Variants in ARPC1A observed in about 807,000 individuals in gnomAD.
The protein encoded by ARPC1A is actin related protein 2/3 complex subunit 1A, also known as actin-related protein 2/3 complex subunit 1A.
Under a neutral mutation model 46.9 loss-of-function variants are expected in ARPC1A, and 8 were observed. The observed-to-expected ratio is 0.17, with a 90% CI of 0.10 to 0.31. ARPC1A has a LOEUF of 0.31. ARPC1A is among the 10% of genes least tolerant of loss of function. The pLI, the probability that ARPC1A is intolerant of heterozygous loss-of-function variation, is 1.00. For synonymous variants in ARPC1A, 152 were observed against 169.0 expected (o/e 0.90, Z 0.78); for missense variants, 286 against 483.6 (o/e 0.59, Z 3.83).
At chr7:99,362,617 C>T (rs996673771) in intron 8 of ARPC1A, among the ~76,000 whole-genome samples, 7 of 150,986 alleles carry the variant, frequency 4.6e-5, no homozygotes, top group African/African-American at 1.7e-4. Context: ...GCTGGGATTA[C>T]AGGCGTGAGC....
chr7:99,333,011 C>T (rs1261623463), intron 1 of ARPC1A, among the ~76,000 whole-genome samples: 1 of 152,128 alleles, frequency 6.6e-6, no homozygotes, highest in African/African-American at 2.4e-5. Flanking sequence ...ATTCTCCTGC[C>T]TCAGCCTCCC....
intron 4 of ARPC1A, among the ~76,000 whole-genome samples, chr7:99,347,841 AAAAAG>A (rs1251596749): frequency 6.6e-6 from 1 of 152,036 alleles, no homozygotes; most frequent in African/African-American, 2.4e-5. Flanking sequence ...AAAAAAAAAA[AAAAAG>A]AAAGAAAGTG....
In ARPC1A at chr7:99,363,610, G is replaced by A; in HGVS notation, c.1051G>A (p.Ala351Thr). 6.2e-7 allele frequency: 1 copy of A among 1,610,814 alleles called. No homozygotes were observed. The highest frequency in any genetic ancestry group is 8.5e-7 in the Non-Finnish European group (1 of 1,179,292). ...RKFCTTGIDG[A>T]MTIWDFKTLE... ...ATTTTGCACTACTGGCATCGATGGA[G>A]CCATGACAATTTGGGATTTCAAGGT... Residue 351 changes from alanine to threonine, a missense_variant, in exon 9 of 10, where the codon GCC (alanine) becomes ACC (threonine). Ala to Thr is a moderately conservative substitution (Grantham distance 58). Coordinates refer to ENST00000262942, the MANE Select transcript of ARPC1A (RefSeq NM_006409.4).
chr7:99,363,766 C>G, intron 9 of ARPC1A, 133 bp downstream of exon 9: 1 of 644,960 alleles, frequency 1.6e-6, no homozygotes, highest in Non-Finnish European at 2.6e-6. Context: ...CCACCAACTC[C>G]TTGCCTCCAG....
chr7:99,341,845 A>G (rs1157846690), intron 3 of ARPC1A, among the ~76,000 whole-genome samples: 1 of 152,156 alleles, frequency 6.6e-6, no homozygotes, highest in Non-Finnish European at 1.5e-5. Flanking sequence ...AAATCTAAAT[A>G]TAACTCTGGG....
chr7:99,345,463 C>G (rs73163167), intron 4 of ARPC1A, among the ~76,000 whole-genome samples: 1 of 151,972 alleles, frequency 6.6e-6, no homozygotes, highest in Non-Finnish European at 1.5e-5. Context: ...CAATTATTCT[C>G]CAGCCTGGCC....
At chr7:99,328,452 C>T (rs531401638) in intron 1 of ARPC1A, among the ~76,000 whole-genome samples, 12 of 152,292 alleles carry the variant, frequency 7.9e-5, no homozygotes, top group African/African-American at 2.9e-4. Context: ...TACTTGCTTT[C>T]ACATGTCTCA....
intron 6 of ARPC1A, among the ~76,000 whole-genome samples, chr7:99,357,741 A>G (rs1174589775): frequency 6.6e-6 from 1 of 152,284 alleles, no homozygotes; most frequent in East Asian, 1.9e-4. Context: ...TTCAAGAGCA[A>G]ATAACTACAT....
intron 5 of ARPC1A, among the ~76,000 whole-genome samples, chr7:99,352,308 A>G (rs1265962800): frequency 6.6e-6 from 1 of 152,100 alleles, no homozygotes; most frequent in Non-Finnish European, 1.5e-5. Context: ...TGTGATCACT[A>G]CTTCAGAACC....
At chr7:99,358,483 G>A in intron 7 of ARPC1A, 68 bp downstream of exon 7, 1 of 1,370,686 alleles carries the variant, frequency 7.3e-7, no homozygotes, top group Non-Finnish European at 1.0e-6. Context: ...AACAATGTGT[G>A]CTCTGTCACC....
chr7:99,350,584 A>G (rs1793529463), intron 5 of ARPC1A, among the ~76,000 whole-genome samples: 1 of 150,788 alleles, frequency 6.6e-6, no homozygotes, highest in Non-Finnish European at 1.5e-5. Context: ...AAAGCAAATA[A>G]ATGTTGCTTT....
chr7:99,339,207 A>G (rs1467374779), intron 3 of ARPC1A, among the ~76,000 whole-genome samples: 1 of 152,200 alleles, frequency 6.6e-6, no homozygotes, highest in Admixed American at 6.5e-5. Context: ...ATTTGCTATG[A>G]CACCATTCCA....
intron 3 of ARPC1A, among the ~76,000 whole-genome samples, chr7:99,342,795 T>C (rs1157731790): frequency 7.0e-6 from 1 of 143,672 alleles, no homozygotes; most frequent in Non-Finnish European, 1.5e-5. Flanking sequence ...CGATCTCGGC[T>C]CACTGTAAGC....
intron 1 of ARPC1A, among the ~76,000 whole-genome samples, chr7:99,328,240 G>A (rs576515362): frequency 5.3e-5 from 8 of 152,164 alleles, no homozygotes; most frequent in Admixed American, 2.0e-4. Flanking sequence ...ATGGTGGCAC[G>A]TGCCTGTAAT....
chr7:99,359,821 G>C (rs1203339792), intron 8 of ARPC1A, 83 bp downstream of exon 8: 5 of 1,470,878 alleles, frequency 3.4e-6, no homozygotes, highest in Non-Finnish European at 4.7e-6. Context: ...TCCTACAAAA[G>C]CTCTATGCCC....
At chr7:99,343,380 C>T (rs979054830) in intron 3 of ARPC1A, among the ~76,000 whole-genome samples, 1 of 151,714 alleles carries the variant, frequency 6.6e-6, no homozygotes, top group Non-Finnish European at 1.5e-5. Context: ...GCAGGAGAAT[C>T]GCTTGAACCC....
intron 8 of ARPC1A, 179 bp downstream of exon 8, chr7:99,359,917 T>A: frequency 1.3e-6 from 1 of 742,306 alleles, no homozygotes; most frequent in Non-Finnish European, 2.2e-6. Flanking sequence ...CAGCTCGTGG[T>A]AGGGAGGGAG....
intron 3 of ARPC1A, among the ~76,000 whole-genome samples, chr7:99,342,597 T>A (rs1219855519): frequency 6.6e-6 from 1 of 151,652 alleles, no homozygotes; most frequent in Non-Finnish European, 1.5e-5. Flanking sequence ...TTGTAATGAA[T>A]AAATAAAATA....
chr7:99,357,679 A>G (rs181635949), intron 6 of ARPC1A, among the ~76,000 whole-genome samples: 1 of 151,712 alleles, frequency 6.6e-6, no homozygotes, highest in East Asian at 1.9e-4. Flanking sequence ...GGTGCTCCTA[A>G]CTCATCAGCC....
Sources: gnomAD v4.1 joint callset for allele counts (sites outside exome capture counted in the v4.1 genomes callset) on GRCh38, gnomAD v4.1.1 for gene constraint, MANE v1.5 for transcripts, NCBI Gene and HGNC (gene_info 2026-07-23, HGNC 2026-07-21) for gene names.